CTTN: variants seen among roughly 807,000 people sequenced by gnomAD.
CTTN encodes cortactin.
Under a neutral mutation model 84.0 loss-of-function variants are expected in CTTN, and 28 were observed. The ratio of observed to expected loss-of-function variants is 0.33; its 90% CI spans 0.25 to 0.46. The LOEUF is 0.46. Ranked by LOEUF, CTTN falls within the 20% of genes least tolerant of loss-of-function variation. The pLI, the probability that CTTN is intolerant of heterozygous loss-of-function variation, is 1.00. For synonymous variants in CTTN, 301 were observed against 288.8 expected, an observed-to-expected ratio of 1.04 and a Z score of -0.43; for missense variants, 641 against 723.8, an observed-to-expected ratio of 0.89 and a Z score of 1.31.
chr11:70,414,352 A>G (rs1020560578), intron 5 of CTTN, among the ~76,000 whole-genome samples, 190 bp from the exon 6 acceptor site: 3 of 150,746 alleles, frequency 2.0e-5, no homozygotes, highest in Non-Finnish European at 4.4e-5. Flanking sequence ...CTCAAAAAAA[A>G]AAAAGCCTGC....
At chr11:70,398,766 G>T (rs1303524486) in intron 1 of CTTN, among the ~76,000 whole-genome samples, 152 bp downstream of exon 1, 1 of 151,390 alleles carries the variant, frequency 6.6e-6, no homozygotes, top group Non-Finnish European at 1.5e-5. Context: ...GCAGAGTGGC[G>T]AGGCTTTCCC....
intron 6 of CTTN, among the ~76,000 whole-genome samples, chr11:70,415,396 A>G (rs1468006216): frequency 6.6e-6 from 1 of 152,192 alleles, no homozygotes; most frequent in African/African-American, 2.4e-5. Flanking sequence ...TCAGCTGAGC[A>G]TTCCCTGCTG....
intron 5 of CTTN, among the ~76,000 whole-genome samples, chr11:70,412,236 G>A (rs898633497): frequency 2.0e-5 from 3 of 152,120 alleles, no homozygotes; most frequent in African/African-American, 7.2e-5. Flanking sequence ...AGACCAGCCT[G>A]GGCAACATAG....
At chr11:70,415,596 A>G in intron 6 of CTTN, 67 bp from the exon 7 acceptor site, 1 of 1,334,508 alleles carries the variant, frequency 7.5e-7, no homozygotes, top group Non-Finnish European at 1.1e-6. Context: ...ATGAATTCAG[A>G]GAGATTGTTT....
At position 70,436,421 on chromosome 11, in the gene CTTN, C is replaced by T. The variant is rs769161176; in HGVS notation, c.*1259C>T. Reference sequence around the variant, plus strand: ...GGAGTGCCCGTGAAGCGTGTTTTTGCTCCTGAGGTGCATTTTCTCATCATC... The same window carrying T: ...GGAGTGCCCGTGAAGCGTGTTTTTGTTCCTGAGGTGCATTTTCTCATCATC... On this transcript the variant is annotated 3_prime_UTR_variant, in exon 18 of 18. Coordinates refer to ENST00000301843, the MANE Select transcript of CTTN (RefSeq NM_005231.4). 1.9e-5 allele frequency: 30 copies of T among 1,596,438 alleles called. No individual in the cohort carries two copies. The South Asian group carries it at 3.3e-4, about 18-fold the overall frequency.
At chr11:70,403,272 T>C (rs1591428742) in intron 1 of CTTN, among the ~76,000 whole-genome samples, 2 of 127,420 alleles carry the variant, frequency 1.6e-5, no homozygotes, top group African/African-American at 6.7e-5. Context: ...CACTACAGCC[T>C]CTGTCTCCCG....
intron 1 of CTTN, among the ~76,000 whole-genome samples, chr11:70,404,029 C>T (rs957118664): frequency 1.3e-5 from 2 of 152,134 alleles, no homozygotes; most frequent in Admixed American, 6.5e-5. Flanking sequence ...TACAGGTATA[C>T]ACGACCATGC....
At chr11:70,431,130 C>T (rs1238038655) in intron 14 of CTTN, 61 bp from the exon 15 acceptor site, 2 of 1,515,576 alleles carry the variant, frequency 1.3e-6, no homozygotes, top group South Asian at 1.1e-5. Context: ...TGAAACACGG[C>T]AGGCGTGACA....
chr11:70,411,660 C>T (rs1202817276), intron 5 of CTTN, among the ~76,000 whole-genome samples: 2 of 152,204 alleles, frequency 1.3e-5, no homozygotes, highest in African/African-American at 4.8e-5. Context: ...AGGGAAGCTG[C>T]TGTGGCTTCT....
intron 14 of CTTN, among the ~76,000 whole-genome samples, chr11:70,429,515 G>T (rs1477077792): frequency 6.6e-6 from 1 of 152,100 alleles, no homozygotes; most frequent in Non-Finnish European, 1.5e-5. Flanking sequence ...CCACCTCCAC[G>T]GGGCTCCTGT....
At chr11:70,414,257 A>G (rs1209959240) in intron 5 of CTTN, among the ~76,000 whole-genome samples, 1 of 151,716 alleles carries the variant, frequency 6.6e-6, no homozygotes, top group Non-Finnish European at 1.5e-5. Flanking sequence ...AGGCAGGAGA[A>G]TGGCGTGAAC....
chr11:70,407,703 T>C, intron 4 of CTTN, 112 bp downstream of exon 4: 2 of 902,040 alleles, frequency 2.2e-6, no homozygotes, highest in South Asian at 3.0e-5. Flanking sequence ...ACTGCATTTA[T>C]CTTCTTGACC....
intron 13 of CTTN, among the ~76,000 whole-genome samples, chr11:70,426,718 A>C (rs2058305101): frequency 6.6e-6 from 1 of 151,614 alleles, no homozygotes; most frequent in Non-Finnish European, 1.5e-5. Flanking sequence ...CCTCCGGAGT[A>C]GCTGGGACTA....
intron 7 of CTTN, chr11:70,416,792 C>T (rs2058166725): frequency 3.8e-6 from 2 of 528,350 alleles, no homozygotes; most frequent in Admixed American, 3.2e-5. Flanking sequence ...AAGGAACTGC[C>T]CTGTAACAGC....
intron 12 of CTTN, 128 bp downstream of exon 12, chr11:70,423,123 G>C: frequency 8.6e-7 from 1 of 1,158,000 alleles, no homozygotes; most frequent in Non-Finnish European, 1.2e-6. Context: ...TGGTGGTGGT[G>C]GTGGTGGCGA....
intron 13 of CTTN, among the ~76,000 whole-genome samples, chr11:70,427,768 C>T (rs2058315535): frequency 6.6e-6 from 1 of 152,152 alleles, no homozygotes. Flanking sequence ...TCTCATTCCA[C>T]AATACCAAAA....
intron 14 of CTTN, among the ~76,000 whole-genome samples, chr11:70,429,505 C>T (rs2058332376): frequency 6.6e-6 from 1 of 152,204 alleles, no homozygotes; most frequent in Non-Finnish European, 1.5e-5. Flanking sequence ...TTGTCGGCTT[C>T]CACCTCCACG....
At chr11:70,402,218 G>A (rs141639714) in intron 1 of CTTN, among the ~76,000 whole-genome samples, 10 of 152,200 alleles carry the variant, frequency 6.6e-5, no homozygotes, top group African/African-American at 1.9e-4. Context: ...ATTACTTCAC[G>A]TTTGTGCAAT....
intron 1 of CTTN, among the ~76,000 whole-genome samples, chr11:70,404,419 C>A (rs887886562): frequency 6.6e-6 from 1 of 152,224 alleles, no homozygotes; most frequent in Admixed American, 6.5e-5. Flanking sequence ...GCTCCCTGCG[C>A]GGTAACCGTG....
Sources: gnomAD v4.1 joint callset for allele counts (sites outside exome capture counted in the v4.1 genomes callset) on GRCh38, gnomAD v4.1.1 for gene constraint, MANE v1.5 for transcripts, NCBI Gene and HGNC (gene_info 2026-07-23, HGNC 2026-07-21) for gene names.